CDK17: variants seen among roughly 807,000 people sequenced by gnomAD.
CDK17 encodes cyclin dependent kinase 17, also known as cyclin-dependent kinase 17.
A neutral mutation model predicts 77.6 loss-of-function variants in CDK17; 24 were observed. The ratio of observed to expected loss-of-function variants is 0.31; its 90% CI spans 0.22 to 0.44. The LOEUF (loss-of-function observed/expected upper bound fraction) is 0.44, where lower values mean the gene tolerates loss of function less well. CDK17 is among the 20% of genes least tolerant of loss of function. CDK17 has a pLI of 1.00. For missense variants in CDK17, 429 were observed against 622.5 expected (o/e 0.69, Z 3.31); for synonymous variants, 203 against 210.4 (o/e 0.96, Z 0.30).
At chr12:96,294,376 G>C (rs1952369975) in intron 10 of CDK17, among the ~76,000 whole-genome samples, 1 of 151,924 alleles carries the variant, frequency 6.6e-6, no homozygotes, top group Non-Finnish European at 1.5e-5. Context: ...TGGACCACCT[G>C]AGGTCAGGAG....
chr12:96,368,604 T>C (rs1953629866), intron 1 of CDK17, among the ~76,000 whole-genome samples: 2 of 152,134 alleles, frequency 1.3e-5, no homozygotes, highest in South Asian at 2.1e-4. Context: ...AGTTCCCTAA[T>C]AAGTAAAATA....
In CDK17 at chr12:96,280,848, T is replaced by C; in HGVS notation, c.1494A>G (p.Gln498=). ...SIFSLKEIQL[Q]KDPGFRNSSY... is the part of the protein sequence containing the mutation. Reference sequence around the variant, plus strand: ...AAGAATTTCGAAAACCCGGGTCCTTTTGCAACTGAATCTCTTTCAAACTGA... The same window carrying C: ...AAGAATTTCGAAAACCCGGGTCCTTCTGCAACTGAATCTCTTTCAAACTGA... The change falls in exon 16 of 17, where the codon CAA becomes CAG. Residue 498 remains glutamine (Q), a synonymous_variant. Transcript: ENST00000261211. 1.2e-6 allele frequency: 2 copies of C among 1,613,976 alleles called. No individual in the cohort carries two copies. The highest frequency in any genetic ancestry group is 2.2e-5 in the East Asian group (1 of 44,872).
intron 1 of CDK17, among the ~76,000 whole-genome samples, chr12:96,338,527 A>G (rs1982221): frequency 0.22 from 32,880 of 151,968 alleles, 4,450 homozygotes; most frequent in Middle Eastern, 0.33. Context: ...TCGGACTCCA[A>G]CTTTTTCAAA....
intron 1 of CDK17, among the ~76,000 whole-genome samples, chr12:96,398,730 TAC>T: frequency 6.6e-6 from 1 of 152,334 alleles, no homozygotes; most frequent in African/African-American, 2.4e-5. Flanking sequence ...CTGCCAGGAA[TAC>T]ACTTTGCTGA....
intron 16 of CDK17, 51 bp from the exon 17 acceptor site, chr12:96,280,330 A>AC: frequency 1.3e-6 from 2 of 1,542,172 alleles, no homozygotes; most frequent in Non-Finnish European, 1.7e-6. Context: ...GTTTTATCCC[A>AC]CATACAGTTA....
chr12:96,300,221 G>C (rs1483255815), intron 6 of CDK17, 83 bp downstream of exon 6: 2 of 922,774 alleles, frequency 2.2e-6, no homozygotes, highest in African/African-American at 3.4e-5. Context: ...GTTTTTTCCA[G>C]GTTAACAAAA....
Position 96,282,493 on chromosome 12 carries a change from T to G in CDK17, c.1456+16A>C, listed in dbSNP as rs1405520022. On this transcript the variant is annotated intron_variant, in intron 15 of 16. Transcript: ENST00000261211. ...ATAAAAATAAAGCAGGGAAAACACT[T>G]TAGGATTTCTCTTACTTTCTGGTAA... The G allele has an allele frequency of 6.5e-7, 1 of 1,541,932 alleles. No individual in the cohort carries two copies. The highest frequency in any genetic ancestry group is 9.0e-7 in the Non-Finnish European group (1 of 1,114,442).
At chr12:96,345,125 A>G (rs1475226007) in intron 1 of CDK17, among the ~76,000 whole-genome samples, 1 of 152,188 alleles carries the variant, frequency 6.6e-6, no homozygotes, top group Non-Finnish European at 1.5e-5. Context: ...AATGGTTTCC[A>G]GCCTTAACCA....
At chr12:96,379,334 T>G (rs1953837409) in intron 1 of CDK17, among the ~76,000 whole-genome samples, 1 of 152,210 alleles carries the variant, frequency 6.6e-6, no homozygotes. Flanking sequence ...GCAGAACAAT[T>G]TATAGAAACA....
intron 5 of CDK17, among the ~76,000 whole-genome samples, chr12:96,306,829 A>G (rs746051414): frequency 1.3e-5 from 2 of 152,184 alleles, no homozygotes; most frequent in Non-Finnish European, 2.9e-5. Flanking sequence ...GACTATGTTC[A>G]AATATAAACC....
chr12:96,290,557 G>A (rs567031016), intron 10 of CDK17, among the ~76,000 whole-genome samples: 1 of 152,312 alleles, frequency 6.6e-6, no homozygotes, highest in South Asian at 2.1e-4. Context: ...CTGGAACAAT[G>A]TTGACATTCC....
At chr12:96,386,405 T>C (rs2137236732) in intron 1 of CDK17, among the ~76,000 whole-genome samples, 1 of 152,270 alleles carries the variant, frequency 6.6e-6, no homozygotes, top group East Asian at 1.9e-4. Flanking sequence ...TCTCGGCACT[T>C]TGGGAGGCCA....
chr12:96,364,241 T>C (rs1192641796), intron 1 of CDK17, among the ~76,000 whole-genome samples: 1 of 152,234 alleles, frequency 6.6e-6, no homozygotes, highest in African/African-American at 2.4e-5. Context: ...AATCATTTTA[T>C]GGACAAATGT....
chr12:96,387,262 C>A, intron 1 of CDK17: 1 of 207,356 alleles, frequency 4.8e-6, no homozygotes, highest in East Asian at 1.2e-4. Flanking sequence ...CCGACCAACC[C>A]ACTAGAAGTA....
intron 1 of CDK17, among the ~76,000 whole-genome samples, chr12:96,340,554 C>A (rs867059955): frequency 1.1e-4 from 17 of 152,028 alleles, no homozygotes; most frequent in Middle Eastern, 3.2e-3. Flanking sequence ...AAAAAATATT[C>A]CCAAATGAAA....
chr12:96,318,039 G>A (rs1311458860), intron 3 of CDK17, among the ~76,000 whole-genome samples: 1 of 152,116 alleles, frequency 6.6e-6, no homozygotes, highest in East Asian at 1.9e-4. Flanking sequence ...TCAGTGTGCT[G>A]TATTCAGGAA....
intron 1 of CDK17, among the ~76,000 whole-genome samples, chr12:96,363,368 T>G (rs1471601105): frequency 2.7e-5 from 4 of 149,388 alleles, no homozygotes; most frequent in Non-Finnish European, 1.5e-5. Flanking sequence ...GGAGAATTGC[T>G]TGAACCCAGG....
chr12:96,293,317 C>T (rs945910635), intron 10 of CDK17, among the ~76,000 whole-genome samples: 1 of 152,078 alleles, frequency 6.6e-6, no homozygotes, highest in Non-Finnish European at 1.5e-5. Flanking sequence ...GGATTACACC[C>T]CTGAGCCACT....
At chr12:96,379,095 T>C (rs1953834250) in intron 1 of CDK17, among the ~76,000 whole-genome samples, 1 of 152,186 alleles carries the variant, frequency 6.6e-6, no homozygotes, top group Non-Finnish European at 1.5e-5. Flanking sequence ...ATACATACTA[T>C]GAGACAGAGT....
Sources: allele counts gnomAD v4.1 joint callset (sites outside exome capture counted in the v4.1 genomes callset), GRCh38; gene constraint gnomAD v4.1.1; transcripts MANE v1.5; gene names NCBI Gene and HGNC (gene_info 2026-07-23, HGNC 2026-07-21).